PIEZO2: variants seen among roughly 807,000 people sequenced by gnomAD.
PIEZO2 encodes the protein piezo type mechanosensitive ion channel component 2, also known as piezo-type mechanosensitive ion channel component 2.
In PIEZO2, 172 loss-of-function variants were observed where a neutral mutation model predicts 337.3. The observed-to-expected ratio is 0.51, with a 90% CI of 0.45 to 0.58. The LOEUF is 0.58. Ranked by LOEUF, PIEZO2 falls within the 20% of genes least tolerant of loss-of-function variation. PIEZO2 has a pLI of 0.00. For missense variants in PIEZO2, 3,028 were observed against 3,391.3 expected (o/e 0.89, Z 2.66); for synonymous variants, 1,251 against 1,228.5 (o/e 1.02, Z -0.38).
At chr18:10,774,925 C>T (rs868254954) in intron 18 of PIEZO2, among the ~76,000 whole-genome samples, 1 of 152,080 alleles carries the variant, frequency 6.6e-6, no homozygotes, top group Non-Finnish European at 1.5e-5. Flanking sequence ...TAATTTTCTA[C>T]CAAATGAGGA....
Position 10,671,878 on chromosome 18 carries a change from C to T in PIEZO2, c.8346-99G>A, listed in dbSNP as rs180693751. On this transcript the variant is annotated intron_variant, in intron 55 of 55. Coordinates refer to ENST00000674853, the MANE Select transcript of PIEZO2 (RefSeq NM_001378183.1). ...AAAAAATATTACTTTCCCTCAAATT[C>T]TGTAGAAGAAATAAGCAAATCAAAT... The T allele has an allele frequency of 1.8e-3, 2,011 of 1,129,840 alleles. 8 individuals are homozygous for T. Among genetic ancestry groups the T allele is most frequent in the Admixed American group, 2.9e-3 (103 of 35,122 alleles). 70.0% of individuals were successfully genotyped at this position (1,129,840 alleles called of 1,614,324 possible). A position where few individuals can be genotyped will look rare whatever the true frequency, so the allele number is the denominator to read the frequency against.
chr18:10,970,660 TCACACA>T (rs71169962), intron 3 of PIEZO2, among the ~76,000 whole-genome samples: 4,230 of 137,474 alleles, frequency 0.031, 111 homozygotes, highest in African/African-American at 0.062. Context: ...AAAAGATGTT[TCACACA>T]CACACACACA....
intron 47 of PIEZO2, among the ~76,000 whole-genome samples, chr18:10,692,108 T>G (rs2034874881): frequency 1.3e-5 from 2 of 151,908 alleles, no homozygotes; most frequent in Non-Finnish European, 2.9e-5. Flanking sequence ...TCTCTCCAGG[T>G]GAATAGTGAA....
At position 10,853,020 on chromosome 18, in the gene PIEZO2, G is replaced by C. The variant is rs186840222; in HGVS notation, c.917+2333C>G. Among the ~76,000 whole-genome samples, 6 of 152,350 alleles carry C rather than the reference G, an allele frequency of 3.9e-5. No homozygotes were observed. Among genetic ancestry groups the C allele is most frequent in the Admixed American group, 3.9e-4 (6 of 15,308 alleles). On this transcript the variant is annotated intron_variant, in intron 7 of 55. Coordinates refer to ENST00000674853, the MANE Select transcript of PIEZO2 (RefSeq NM_001378183.1). The surrounding 1 kb of genome is among the most constrained non-coding windows in gnomAD (Gnocchi z 4.2). ...ACAGTTTCCCGATAAGACTTCAGGA[G>C]TTGGGTGAGTGGGCTCAAGCATGTG... is the stretch of plus-strand genomic sequence containing the variant.
rs556806790 is a variant in PIEZO2, at chr18:10,930,935, C to T, written c.287-19707G>A. ...CATGGTATGACATACAGAGGCTGTC[C>T]TTGGTTTTTCTAAGCCTTTTTACTT... On this transcript the variant is annotated intron_variant, in intron 3 of 55. Coordinates refer to ENST00000674853, the MANE Select transcript of PIEZO2 (RefSeq NM_001378183.1). Among the ~76,000 whole-genome samples the T allele has an allele frequency of 4.6e-5, 7 of 152,218 alleles. No homozygotes were observed. In the East Asian group the frequency reaches 1.2e-3, roughly 25 times the overall value.
intron 2 of PIEZO2, among the ~76,000 whole-genome samples, chr18:10,985,339 T>A (rs1454146248): frequency 6.6e-6 from 1 of 151,690 alleles, no homozygotes; most frequent in Non-Finnish European, 1.5e-5. Context: ...CACATGGGAG[T>A]GAACAGGTAA....
intron 7 of PIEZO2, among the ~76,000 whole-genome samples, chr18:10,845,741 T>C (rs986017151): frequency 6.6e-6 from 1 of 152,176 alleles, no homozygotes; most frequent in Non-Finnish European, 1.5e-5. Flanking sequence ...AAGGACATAC[T>C]GAATAGAAAC....
At position 10,853,219 on chromosome 18, in the gene PIEZO2, C is replaced by T. The variant is rs535899448; in HGVS notation, c.917+2134G>A. 6.6e-6 allele frequency among the ~76,000 whole-genome samples: 1 copy of T among 152,204 alleles called. No homozygotes were observed. The highest frequency in any genetic ancestry group is 1.5e-5 in the Non-Finnish European group (1 of 68,042). The stretch of plus-strand genomic sequence containing the variant: ...GCTGGCAGGCCACTGTGCATGCAGA[C>T]AGCCCACCCCCAGGGAAGAATCAGG... On this transcript the variant is annotated intron_variant, in intron 7 of 55. Coordinates refer to ENST00000674853, the MANE Select transcript of PIEZO2 (RefSeq NM_001378183.1). This position sits in a 1 kb window ranked among gnomAD's most constrained non-coding sequence, Gnocchi z 4.2.
At chr18:11,093,878 T>A (rs1318184688) in intron 1 of PIEZO2, among the ~76,000 whole-genome samples, 1 of 152,194 alleles carries the variant, frequency 6.6e-6, no homozygotes, top group East Asian at 1.9e-4. Flanking sequence ...TACCACACAA[T>A]AAGCATTGAA....
At chr18:10,866,915 C>T (rs927501244) in intron 5 of PIEZO2, among the ~76,000 whole-genome samples, 2 of 152,190 alleles carry the variant, frequency 1.3e-5, no homozygotes, top group Non-Finnish European at 2.9e-5. Flanking sequence ...AGAAGGCAGA[C>T]CAAGTGTCCG....
rs1321996781 is a variant in PIEZO2 at position 11,101,952 on chromosome 18, C to A, written c.65-35730G>T. On this transcript the variant is annotated intron_variant, in intron 1 of 55. Transcript: ENST00000674853. This position sits in a 1 kb window ranked among gnomAD's most constrained non-coding sequence, Gnocchi z 4.4. ...TTTCTGGATATGTTTAGTTTTTAAA[C>A]CTCTGACTGTATATTCTGATGGACC... Among the ~76,000 whole-genome samples the A allele has an allele frequency of 6.6e-6, 1 of 152,146 alleles. No individual in the cohort carries two copies.
Position 10,882,834 on chromosome 18 carries a change from C to CT in PIEZO2, c.330-11420dup, listed in dbSNP as rs745618117. On this transcript the variant is annotated intron_variant, in intron 4 of 55. Transcript: ENST00000674853. ...CCATTGTGCATATGTACCACATTTT[C>CT]TTTTTTTCTTTTTTTTTTTTTTTGA... is the stretch of plus-strand genomic sequence containing the variant. 3.5e-3 allele frequency among the ~76,000 whole-genome samples: 381 copies of CT among 109,988 alleles called. 28 individuals are homozygous for CT. Among genetic ancestry groups the CT allele is most frequent in the Admixed American group, 5.5e-3 (46 of 8,438 alleles). The allele number at this position is 109,988 out of a possible 152,430, so 72.2% of individuals were successfully genotyped here.
intron 15 of PIEZO2, among the ~76,000 whole-genome samples, chr18:10,788,427 A>AAGG (rs2039299238): frequency 1.4e-4 from 17 of 123,948 alleles, no homozygotes; most frequent in African/African-American, 3.4e-4. Flanking sequence ...AAAAAGAAAG[A>AAGG]AAGGAAGGAA....
rs1214177936 is a variant in PIEZO2, at chr18:10,821,498, G to T, written c.918-14224C>A. On this transcript the variant is annotated intron_variant, in intron 7 of 55. Coordinates refer to ENST00000674853, the MANE Select transcript of PIEZO2 (RefSeq NM_001378183.1). This position sits in a 1 kb window ranked among gnomAD's most constrained non-coding sequence, Gnocchi z 4.2. ...TGATTAAAACAATATTTTTATCAAAGGCTTACTATATATAAACACTATATG... is the reference window on the plus strand; with the variant it reads ...TGATTAAAACAATATTTTTATCAAATGCTTACTATATATAAACACTATATG... 6.6e-6 allele frequency among the ~76,000 whole-genome samples: 1 copy of T among 151,530 alleles called. No homozygotes were observed. The highest frequency in any genetic ancestry group is 6.6e-5 in the Admixed American group (1 of 15,214).
rs748044526 is a variant in PIEZO2 at position 10,713,798 on chromosome 18, T to TA, written c.5423+965dup. Among the ~76,000 whole-genome samples the TA allele has an allele frequency of 1.3e-5, 2 of 152,244 alleles. No individual in the cohort carries two copies. Among genetic ancestry groups the TA allele is most frequent in the Non-Finnish European group, 2.9e-5 (2 of 68,046 alleles). ...ACAATTCTTTACCCATGAAGGTGGC[T>TA]ATAAGGTGTAATTCATTTGGTCTAG... On this transcript the variant is annotated intron_variant, in intron 39 of 55. Coordinates refer to ENST00000674853, the MANE Select transcript of PIEZO2 (RefSeq NM_001378183.1). The surrounding 1 kb of genome is among the most constrained non-coding windows in gnomAD (Gnocchi z 4.5).
At chr18:10,956,978 A>AT (rs1376538490) in intron 3 of PIEZO2, among the ~76,000 whole-genome samples, 1 of 122,392 alleles carries the variant, frequency 8.2e-6, no homozygotes, top group African/African-American at 3.0e-5. Flanking sequence ...TCAAAAAAAA[A>AT]AAAAAAAAGA....
chr18:10,713,692 A>G lies in PIEZO2; in HGVS notation c.5423+1072T>C, dbSNP rs2035905660. Among the ~76,000 whole-genome samples, 1 of 152,178 alleles carries G rather than the reference A, an allele frequency of 6.6e-6. No homozygotes were observed. Among genetic ancestry groups the G allele is most frequent in the Non-Finnish European group, 1.5e-5 (1 of 68,032 alleles). ...CTTATCTTTATATGCCTCTCCCAGAATAGAGCCCAGGGCTTGGCACAGAAT... is the reference window on the plus strand; with the variant it reads ...CTTATCTTTATATGCCTCTCCCAGAGTAGAGCCCAGGGCTTGGCACAGAAT... On this transcript the variant is annotated intron_variant, in intron 39 of 55. Transcript: ENST00000674853. The surrounding 1 kb of genome is among the most constrained non-coding windows in gnomAD (Gnocchi z 4.5).
At chr18:11,030,452 G>T (rs1303163154) in intron 2 of PIEZO2, among the ~76,000 whole-genome samples, 1 of 152,154 alleles carries the variant, frequency 6.6e-6, no homozygotes, top group Non-Finnish European at 1.5e-5. Flanking sequence ...CCATCACTTA[G>T]TGATGAGAAA....
intron 2 of PIEZO2, among the ~76,000 whole-genome samples, chr18:11,042,204 T>C (rs1157915827): frequency 6.6e-6 from 1 of 152,152 alleles, no homozygotes; most frequent in African/African-American, 2.4e-5. Context: ...GAAATCCGCC[T>C]GTAAAGATGA....
Sources: gnomAD v4.1 joint callset for allele counts (sites outside exome capture counted in the v4.1 genomes callset) on GRCh38, gnomAD v4.1.1 for gene constraint, Gnocchi (gnomAD v3.1) non-coding constraint, MANE v1.5 for transcripts, NCBI Gene and HGNC (gene_info 2026-07-23, HGNC 2026-07-21) for gene names.